SOX6: variants seen among roughly 807,000 people sequenced by gnomAD.
SOX6 encodes the protein transcription factor SOX-6.
Under a neutral mutation model 97.8 loss-of-function variants are expected in SOX6, and 11 were observed. The ratio of observed to expected loss-of-function variants is 0.11; its 90% CI spans 0.07 to 0.19. The LOEUF (loss-of-function observed/expected upper bound fraction) is 0.19. Among genes scored for constraint, SOX6 ranks in the 10% least tolerant of loss-of-function variants. The probability of loss-of-function intolerance (pLI) is 1.00; values close to 1 mark genes in which losing one functional copy is unlikely to be tolerated. For missense variants in SOX6, 810 were observed against 1,039.5 expected, an observed-to-expected ratio of 0.78 and a Z score of 3.04; for synonymous variants, 360 against 371.4, an observed-to-expected ratio of 0.97 and a Z score of 0.35.
chr11:16,567,590 A>T (rs1847888759), intron 4 of SOX6, among the ~76,000 whole-genome samples: 1 of 98,622 alleles, frequency 1.0e-5, no homozygotes, highest in African/African-American at 3.5e-5. Context: ...TTTTTTTGAG[A>T]CGGAGTCTCG....
chr11:16,443,725 T>C (rs1859555098), intron 1 of SOX6, among the ~76,000 whole-genome samples: 2 of 152,066 alleles, frequency 1.3e-5, no homozygotes, highest in African/African-American at 4.8e-5. Context: ...TTAAAAACAT[T>C]TGCCCTGGAC....
At chr11:16,005,584 G>T (rs1213256847) in intron 13 of SOX6, among the ~76,000 whole-genome samples, 1 of 152,000 alleles carries the variant, frequency 6.6e-6, no homozygotes, top group Non-Finnish European at 1.5e-5. Flanking sequence ...TCTCCAGCAT[G>T]GAGCAGCTAT....
chr11:16,318,722 C>A, intron 2 of SOX6, 69 bp from the exon 3 acceptor site: 1 of 1,354,748 alleles, frequency 7.4e-7, no homozygotes, highest in South Asian at 1.2e-5. Context: ...AGAAAAAAAT[C>A]CCAAACTGAG....
intron 9 of SOX6, among the ~76,000 whole-genome samples, chr11:16,062,393 T>C (rs913624718): frequency 6.6e-6 from 1 of 151,680 alleles, no homozygotes; most frequent in Non-Finnish European, 1.5e-5. Context: ...TCTACAAAAA[T>C]GTCATTCCAC....
At chr11:16,065,453 T>G (rs1488066168) in intron 9 of SOX6, among the ~76,000 whole-genome samples, 1 of 151,892 alleles carries the variant, frequency 6.6e-6, no homozygotes, top group Non-Finnish European at 1.5e-5. Flanking sequence ...AATCTAGAAA[T>G]TCCATGCAAT....
At chr11:16,260,472 C>T (rs1853853159) in intron 3 of SOX6, among the ~76,000 whole-genome samples, 1 of 152,070 alleles carries the variant, frequency 6.6e-6, no homozygotes, top group South Asian at 2.1e-4. Flanking sequence ...CTTCAGAGAT[C>T]AACACAACTA....
Position 15,970,360 on chromosome 11 carries a change from T to C in SOX6, c.*2449A>G, listed in dbSNP as rs558069661. ...AAAAACAAACAAAATTAACCTACTA[T>C]GCTAAATGTTTGCTTTTGTGCAAAA... On this transcript the variant is annotated 3_prime_UTR_variant, in exon 16 of 16. Transcript: ENST00000683767. 3.3e-5 allele frequency: 5 copies of C among 151,590 alleles called. No individual in the cohort carries two copies. Among genetic ancestry groups the C allele is most frequent in the East Asian group, 1.9e-4 (1 of 5,186 alleles). The allele number at this position is 151,590 out of a possible 1,614,324, so 9.4% of individuals were successfully genotyped here.
intron 1 of SOX6, among the ~76,000 whole-genome samples, chr11:16,405,863 C>A (rs1367763090): frequency 6.6e-6 from 1 of 151,954 alleles, no homozygotes. Flanking sequence ...AATCGAGTTT[C>A]CTTTTTCTAA....
At chr11:16,035,147 A>T (rs1238356705) in intron 12 of SOX6, among the ~76,000 whole-genome samples, 1 of 152,200 alleles carries the variant, frequency 6.6e-6, no homozygotes, top group African/African-American at 2.4e-5. Flanking sequence ...ACACAAACTC[A>T]TGTACAGCCA....
chr11:15,970,674 T>C lies in SOX6; in HGVS notation c.*2135A>G, dbSNP rs1163631319. 6.5e-6 allele frequency: 1 copy of C among 152,686 alleles called. No individual in the cohort carries two copies. The highest frequency in any genetic ancestry group is 1.5e-5 in the Non-Finnish European group (1 of 68,048). 9.5% of individuals were successfully genotyped at this position (152,686 alleles called of 1,614,324 possible). A position where few individuals can be genotyped will look rare whatever the true frequency, so the allele number is the denominator to read the frequency against. On this transcript the variant is annotated 3_prime_UTR_variant, in exon 16 of 16. Transcript: ENST00000683767. ...TCCTATCAGTACCTTAATCAGCTTA[T>C]AGAGAGCACTCCCAGCTAACAGAAT...
intron 5 of SOX6, among the ~76,000 whole-genome samples, chr11:16,184,431 A>G (rs1456163106): frequency 6.6e-6 from 1 of 152,168 alleles, no homozygotes; most frequent in African/African-American, 2.4e-5. Flanking sequence ...ATATTGTTAA[A>G]GGAGTGCCAA....
chr11:15,978,732 A>G (rs931754151), intron 15 of SOX6, among the ~76,000 whole-genome samples: 2 of 145,290 alleles, frequency 1.4e-5, no homozygotes, highest in Non-Finnish European at 3.0e-5. Context: ...TAGACTCATT[A>G]TAATGCTTAT....
chr11:16,583,833 T>C (rs1180837717), intron 4 of SOX6, among the ~76,000 whole-genome samples: 1 of 151,798 alleles, frequency 6.6e-6, no homozygotes, highest in African/African-American at 2.4e-5. Flanking sequence ...TTGAGAATCC[T>C]CCACACTGTT....
At chr11:16,677,647 A>T (rs1302343774) in intron 3 of SOX6, among the ~76,000 whole-genome samples, 1 of 152,090 alleles carries the variant, frequency 6.6e-6, no homozygotes, top group Non-Finnish European at 1.5e-5. Context: ...TGTTTTTGTA[A>T]GGAGTATTGA....
At chr11:16,445,625 T>C (rs1441171596) in intron 1 of SOX6, among the ~76,000 whole-genome samples, 1 of 152,164 alleles carries the variant, frequency 6.6e-6, no homozygotes, top group Non-Finnish European at 1.5e-5. Flanking sequence ...TTTTGTGCAA[T>C]ACTTTTAATC....
intron 3 of SOX6, among the ~76,000 whole-genome samples, chr11:16,692,464 G>C (rs1848023320): frequency 6.6e-6 from 1 of 152,090 alleles, no homozygotes; most frequent in Non-Finnish European, 1.5e-5. Flanking sequence ...CTCCTAAGAA[G>C]CTCTTCCTTT....
intron 4 of SOX6, among the ~76,000 whole-genome samples, chr11:16,223,867 C>A (rs971326133): frequency 1.3e-5 from 2 of 152,022 alleles, no homozygotes; most frequent in Non-Finnish European, 2.9e-5. Flanking sequence ...TTATTTTCAT[C>A]ATAGCAATTG....
intron 7 of SOX6, among the ~76,000 whole-genome samples, chr11:16,098,205 C>G (rs952422931): frequency 1.1e-4 from 16 of 151,724 alleles, no homozygotes; most frequent in African/African-American, 3.6e-4. Flanking sequence ...GCTGAGAGGA[C>G]AGCTAATCTT....
At position 16,680,938 on chromosome 11, in the gene SOX6, G is replaced by A. The variant is rs139033294; in HGVS notation, n.429+33892C>T. ...TCTAAATATATATGCACCCAAACAG[G>A]AGCACCCAGATTCATAAAAACAAGT... On this transcript the variant is annotated intron_variant and non_coding_transcript_variant, in intron 3 of 5. Coordinates refer to the SOX6 transcript ENST00000524520. Among the ~76,000 whole-genome samples the A allele has an allele frequency of 4.3e-3, 650 of 152,204 alleles. 1 individual carries two copies. Among genetic ancestry groups the A allele is most frequent in the African/African-American group, 0.015 (621 of 41,538 alleles).
Sources: allele counts gnomAD v4.1 joint callset (sites outside exome capture counted in the v4.1 genomes callset), GRCh38; gene constraint gnomAD v4.1.1; transcripts MANE v1.5; gene names NCBI Gene and HGNC (gene_info 2026-07-23, HGNC 2026-07-21).